Variants in EPHA6 observed in about 807,000 individuals in gnomAD.
The protein encoded by EPHA6 is EPH receptor A6.
Under a neutral mutation model 112.0 loss-of-function variants are expected in EPHA6, and 50 were observed. The observed-to-expected ratio is 0.45, with a 90% CI of 0.36 to 0.56. The LOEUF is 0.56. Ranked by LOEUF, EPHA6 falls within the 20% of genes least tolerant of loss-of-function variation. EPHA6 has a pLI of 0.00. For synonymous variants in EPHA6, 529 were observed against 490.7 expected, an observed-to-expected ratio of 1.08 and a Z score of -1.03; for missense variants, 1,280 against 1,417.4, an observed-to-expected ratio of 0.90 and a Z score of 1.56.
intron 3 of EPHA6, among the ~76,000 whole-genome samples, chr3:97,093,325 G>T (rs377284351): frequency 7.4e-4 from 112 of 152,148 alleles, no homozygotes; most frequent in African/African-American, 2.4e-3. Flanking sequence ...GAGGTGGGTG[G>T]ATCACTTGAG....
At chr3:97,068,154 C>CAAAAAAAA (rs1396275493) in intron 3 of EPHA6, among the ~76,000 whole-genome samples, 1 of 61,006 alleles carries the variant, frequency 1.6e-5, no homozygotes. Flanking sequence ...GACTCCATCT[C>CAAAAAAAA]AAAAAAAAAA....
intron 14 of EPHA6, among the ~76,000 whole-genome samples, chr3:97,709,202 A>G (rs570332837): frequency 6.6e-6 from 1 of 151,474 alleles, no homozygotes; most frequent in Non-Finnish European, 1.5e-5. Flanking sequence ...AGCCTGTGAA[A>G]GCAGCCAATG....
intron 5 of EPHA6, among the ~76,000 whole-genome samples, chr3:97,378,639 G>A (rs114940557): frequency 0.018 from 2,667 of 152,240 alleles, 85 homozygotes; most frequent in African/African-American, 0.058. Context: ...GGAACCCACC[G>A]CTTGCATCTG....
intron 11 of EPHA6, among the ~76,000 whole-genome samples, chr3:97,560,119 A>G (rs1263750460): frequency 1.3e-5 from 2 of 151,954 alleles, no homozygotes; most frequent in African/African-American, 4.8e-5. Context: ...AAACATGTGC[A>G]GGAATAAGAA....
intron 3 of EPHA6, among the ~76,000 whole-genome samples, chr3:97,185,967 A>T (rs1410646898): frequency 6.6e-6 from 1 of 151,140 alleles, no homozygotes; most frequent in Non-Finnish European, 1.5e-5. Flanking sequence ...CAAGGACAAA[A>T]AACCAAACAC....
Position 96,909,702 on chromosome 3 carries a change from C to T in EPHA6, c.450+42813C>T, listed in dbSNP as rs185634762. Among the ~76,000 whole-genome samples, 437 of 151,908 alleles carry T rather than the reference C, an allele frequency of 2.9e-3. 2 individuals carry two copies. Among genetic ancestry groups the T allele is most frequent in the African/African-American group, 1.0e-2 (413 of 41,466 alleles). ...ATCTTATGAGGAACCCTTATAGTGC[C>T]TTAAGGTGTTCAGTATATATTGTTA... On this transcript the variant is annotated intron_variant, in intron 2 of 17. Transcript: ENST00000389672.
intron 5 of EPHA6, among the ~76,000 whole-genome samples, chr3:97,363,217 T>A (rs1469885928): frequency 4.3e-5 from 3 of 68,978 alleles, no homozygotes; most frequent in African/African-American, 9.3e-5. Context: ...TATATATATA[T>A]ATATATATAT....
intron 3 of EPHA6, among the ~76,000 whole-genome samples, chr3:97,018,042 C>T (rs1367010557): frequency 3.3e-5 from 5 of 151,010 alleles, no homozygotes; most frequent in Non-Finnish European, 7.4e-5. Context: ...CTCACTAATC[C>T]TTCTTCTGCT....
In EPHA6 at chr3:97,003,906, T is replaced by A. The variant is rs186834929; in HGVS notation, c.1114+15913T>A. On this transcript the variant is annotated intron_variant, in intron 3 of 17. Transcript: ENST00000389672. ...GAACATGCAGTGTTTGGTTTTCTGT[T>A]CCTGTGTTAGTTTGCTGAGGATGAG... 5.6e-3 allele frequency among the ~76,000 whole-genome samples: 848 copies of A among 151,938 alleles called. 7 individuals carry two copies. Among genetic ancestry groups the A allele is most frequent in the African/African-American group, 0.02 (826 of 41,426 alleles).
intron 5 of EPHA6, among the ~76,000 whole-genome samples, chr3:97,300,787 G>T (rs1297967162): frequency 6.6e-6 from 1 of 151,954 alleles, no homozygotes; most frequent in Non-Finnish European, 1.5e-5. Context: ...AGGATAGCAG[G>T]CTCGAAGCAT....
At chr3:96,939,143 C>T (rs961471495) in intron 2 of EPHA6, among the ~76,000 whole-genome samples, 9 of 152,174 alleles carry the variant, frequency 5.9e-5, no homozygotes, top group Admixed American at 4.6e-4. Context: ...GGAGGATTCC[C>T]TCTTTTTCTG....
chr3:97,299,072 A>G (rs2080987672), intron 5 of EPHA6, among the ~76,000 whole-genome samples: 2 of 151,990 alleles, frequency 1.3e-5, no homozygotes, highest in African/African-American at 4.8e-5. Flanking sequence ...TTTTTTCTCA[A>G]TGTTTACAAA....
chr3:96,824,718 C>A (rs538140920), intron 1 of EPHA6, among the ~76,000 whole-genome samples: 1 of 151,824 alleles, frequency 6.6e-6, no homozygotes, highest in Admixed American at 6.6e-5. Flanking sequence ...GGTAAGTTAC[C>A]ATCTACAAAC....
At chr3:96,985,270 C>A (rs1209724628) in intron 2 of EPHA6, among the ~76,000 whole-genome samples, 1 of 152,140 alleles carries the variant, frequency 6.6e-6, no homozygotes, top group Non-Finnish European at 1.5e-5. Flanking sequence ...AATGTATATG[C>A]ATTCCCTGAG....
At chr3:97,466,826 A>G (rs1470203984) in intron 7 of EPHA6, among the ~76,000 whole-genome samples, 1 of 151,822 alleles carries the variant, frequency 6.6e-6, no homozygotes, top group African/African-American at 2.4e-5. Flanking sequence ...AGGCATCTCA[A>G]AGTACATATA....
intron 2 of EPHA6, among the ~76,000 whole-genome samples, chr3:96,958,606 A>C (rs2041848598): frequency 6.6e-6 from 1 of 152,136 alleles, no homozygotes; most frequent in Non-Finnish European, 1.5e-5. Context: ...ACCCCACAGA[A>C]CCTCTGTACC....
At chr3:97,572,041 A>G (rs1158303770) in intron 11 of EPHA6, among the ~76,000 whole-genome samples, 2 of 151,978 alleles carry the variant, frequency 1.3e-5, no homozygotes, top group African/African-American at 4.8e-5. Context: ...AATGCAAGCT[A>G]TCTTCATCTT....
intron 2 of EPHA6, among the ~76,000 whole-genome samples, chr3:96,956,374 A>G (rs1559621596): frequency 6.6e-6 from 1 of 152,202 alleles, no homozygotes; most frequent in African/African-American, 2.4e-5. Flanking sequence ...ATTGACTAAG[A>G]TAATGTTAGT....
chr3:97,305,194 C>A (rs2081266219), intron 5 of EPHA6, among the ~76,000 whole-genome samples: 1 of 151,918 alleles, frequency 6.6e-6, no homozygotes, highest in East Asian at 1.9e-4. Flanking sequence ...CCATCTCATG[C>A]CAGTCAGCAT....
Sources: allele counts gnomAD v4.1 joint callset (sites outside exome capture counted in the v4.1 genomes callset), GRCh38; gene constraint gnomAD v4.1.1; transcripts MANE v1.5; gene names NCBI Gene and HGNC (gene_info 2026-07-23, HGNC 2026-07-21).